ACBD6: variants seen among roughly 807,000 people sequenced by gnomAD.
ACBD6 encodes acyl-CoA-binding domain-containing protein 6.
ACBD6 carries 28 observed loss-of-function variants against 37.2 expected under a neutral mutation model. That is an observed-to-expected ratio of 0.75 (90% CI 0.56 to 1.03). The LOEUF (loss-of-function observed/expected upper bound fraction) is 1.03, where lower values mean the gene tolerates loss of function less well. ACBD6 is among the 50% of genes least tolerant of loss of function. ACBD6 has a pLI of 0.00. For synonymous variants in ACBD6, 113 were observed against 126.8 expected (o/e 0.89, Z 0.73); for missense variants, 340 against 337.4 (o/e 1.01, Z -0.06).
intron 3 of ACBD6, among the ~76,000 whole-genome samples, chr1:180,431,867 G>A (rs1648825463): frequency 6.6e-6 from 1 of 152,116 alleles, no homozygotes; most frequent in African/African-American, 2.4e-5. Flanking sequence ...AAATCTAGGT[G>A]ATACTGGGTT....
intron 3 of ACBD6, among the ~76,000 whole-genome samples, chr1:180,464,350 C>T (rs879324510): frequency 1.3e-5 from 2 of 152,112 alleles, no homozygotes; most frequent in Non-Finnish European, 2.9e-5. Flanking sequence ...TTGCAGGATA[C>T]AAAATCAATG....
chr1:180,418,843 G>T (rs1648210501), intron 4 of ACBD6, among the ~76,000 whole-genome samples: 1 of 152,234 alleles, frequency 6.6e-6, no homozygotes, highest in African/African-American at 2.4e-5. Flanking sequence ...AAAAACCTTG[G>T]TTTAATCCCT....
At chr1:180,300,258 T>C (rs1325055459) in intron 7 of ACBD6, among the ~76,000 whole-genome samples, 2 of 152,170 alleles carry the variant, frequency 1.3e-5, no homozygotes, top group African/African-American at 4.8e-5. Context: ...TTAAGAGTCC[T>C]GAAATAAAAT....
chr1:180,465,522 T>C (rs541011274), intron 3 of ACBD6, among the ~76,000 whole-genome samples: 2 of 152,212 alleles, frequency 1.3e-5, no homozygotes, highest in East Asian at 1.9e-4. Flanking sequence ...CAGATGCTGG[T>C]GAGGTTTCAG....
chr1:180,462,096 C>T (rs1468452317), intron 3 of ACBD6, among the ~76,000 whole-genome samples: 1 of 151,952 alleles, frequency 6.6e-6, no homozygotes, highest in African/African-American at 2.4e-5. Context: ...ATTAGCTGGG[C>T]GTGGTGGCAC....
At chr1:180,331,946 A>G (rs1446138227) in intron 6 of ACBD6, among the ~76,000 whole-genome samples, 2 of 152,194 alleles carry the variant, frequency 1.3e-5, no homozygotes, top group African/African-American at 4.8e-5. Flanking sequence ...ATGATGTCTA[A>G]TTATCCATTT....
At chr1:180,409,810 A>G (rs1334654922) in intron 5 of ACBD6, among the ~76,000 whole-genome samples, 1 of 152,202 alleles carries the variant, frequency 6.6e-6, no homozygotes, top group Non-Finnish European at 1.5e-5. Flanking sequence ...AGTAAAACCT[A>G]GTATCAAATG....
intron 6 of ACBD6, among the ~76,000 whole-genome samples, chr1:180,334,244 GC>G (rs1288194109): frequency 6.6e-6 from 1 of 152,200 alleles, no homozygotes; most frequent in Non-Finnish European, 1.5e-5. Flanking sequence ...CCCTCGAGTA[GC>G]CTAACTAGGA....
chr1:180,452,729 GA>G (rs1280964054), intron 3 of ACBD6, among the ~76,000 whole-genome samples: 2 of 152,002 alleles, frequency 1.3e-5, no homozygotes, highest in Non-Finnish European at 2.9e-5. Flanking sequence ...TGATAAAGGG[GA>G]TATCACCACT....
intron 6 of ACBD6, among the ~76,000 whole-genome samples, chr1:180,350,022 CCTTTTTTTT>C (rs1652347760): frequency 7.6e-6 from 1 of 131,512 alleles, no homozygotes; most frequent in Non-Finnish European, 1.6e-5. Flanking sequence ...CTCCAGTGAC[CCTTTTTTTT>C]TTTTTTTTTT....
chr1:180,274,504 A>C, intron 10 of ACBD6: 1 of 1,613,298 alleles, frequency 6.2e-7, no homozygotes, highest in Non-Finnish European at 8.5e-7. Context: ...TCTCCACAGG[A>C]AGCAGTGTAG....
intron 5 of ACBD6, among the ~76,000 whole-genome samples, chr1:180,410,688 ATATTACT>A (rs1230272463): frequency 6.6e-6 from 1 of 152,210 alleles, no homozygotes; most frequent in Non-Finnish European, 1.5e-5. Flanking sequence ...TCCTTTCAAA[ATATTACT>A]GCTCATTGAC....
intron 1 of ACBD6, 71 bp downstream of exon 1, chr1:180,501,974 C>T: frequency 6.9e-7 from 1 of 1,455,546 alleles, no homozygotes; most frequent in Non-Finnish European, 9.6e-7. Flanking sequence ...ACCATACATG[C>T]TTGCTATCAG....
At chr1:180,272,871 G>T (rs1648763968) in intron 12 of ACBD6, 1 of 152,242 alleles carries the variant, frequency 6.6e-6, no homozygotes, top group Non-Finnish European at 1.5e-5. Context: ...GGATGTGCTT[G>T]GGGAAAGCCT....
At position 180,327,372 on chromosome 1, in the gene ACBD6, C is replaced by T. The variant is rs181526472; in HGVS notation, c.664-12650G>A. ...TCCAAGTGCACAGATTCTCTCTCCA[C>T]GCCACAGGGCTGCTGCGGGATTGAG... On this transcript the variant is annotated intron_variant, in intron 6 of 7. Coordinates refer to ENST00000367595, the MANE Select transcript of ACBD6 (RefSeq NM_032360.4). Among the ~76,000 whole-genome samples, 567 of 152,286 alleles carry T rather than the reference C, an allele frequency of 3.7e-3. 1 individual carries two copies. Among genetic ancestry groups the T allele is most frequent in the Non-Finnish European group, 6.1e-3 (418 of 68,008 alleles).
chr1:180,418,555 C>G (rs916884013), intron 4 of ACBD6, among the ~76,000 whole-genome samples: 3 of 151,226 alleles, frequency 2.0e-5, no homozygotes, highest in Admixed American at 2.0e-4. Context: ...GCCTAGGCAA[C>G]AGAGAAAGAT....
At chr1:180,383,403 G>A (rs1653732739) in intron 6 of ACBD6, among the ~76,000 whole-genome samples, 1 of 151,910 alleles carries the variant, frequency 6.6e-6, no homozygotes, top group African/African-American at 2.4e-5. Context: ...TAATGAACTA[G>A]CTGAGAAAGA....
At position 180,502,121 on chromosome 1, in the gene ACBD6, G is replaced by A; in HGVS notation, c.146C>T (p.Ala49Val). ...AATCAGGCCTTGCAGGTGCGCGGCA[G>A]CCTTCTCAAACAGCTCGGCCAGGCA... ...TSCLAELFEK[A>V]AAHLQGLIQV... The change falls in exon 1 of 8, where the codon GCT (alanine) becomes GTT (valine). Residue 49 changes from alanine (A) to valine (V), a missense_variant. Ala to Val is a moderately conservative substitution (Grantham distance 64). Coordinates refer to ENST00000367595, the MANE Select transcript of ACBD6 (RefSeq NM_032360.4). The A allele has an allele frequency of 6.2e-7, 1 of 1,614,006 alleles. No individual in the cohort carries two copies.
chr1:180,303,878 T>C (rs1308776923), intron 7 of ACBD6, among the ~76,000 whole-genome samples: 1 of 150,748 alleles, frequency 6.6e-6, no homozygotes, highest in Admixed American at 6.6e-5. Context: ...GCAAACCGAA[T>C]CCAGCAGCAC....
Sources: gnomAD v4.1 joint callset for allele counts (sites outside exome capture counted in the v4.1 genomes callset) on GRCh38, gnomAD v4.1.1 for gene constraint, MANE v1.5 for transcripts, NCBI Gene and HGNC (gene_info 2026-07-23, HGNC 2026-07-21) for gene names.